HSD17B12: variants seen among roughly 807,000 people sequenced by gnomAD.
HSD17B12 encodes very-long-chain 3-oxoacyl-CoA reductase.
Under a neutral mutation model 39.3 loss-of-function variants are expected in HSD17B12, and 32 were observed. That is an observed-to-expected ratio of 0.81 (90% CI 0.61 to 1.09). The LOEUF is 1.09. Ranked by LOEUF, HSD17B12 falls within the 50% of genes least tolerant of loss-of-function variation. The probability of loss-of-function intolerance (pLI) is 0.00; values close to 1 mark genes in which losing one functional copy is unlikely to be tolerated. For missense variants in HSD17B12, 342 were observed against 382.9 expected (o/e 0.89, Z 0.89); for synonymous variants, 150 against 146.7 (o/e 1.02, Z -0.16).
At chr11:43,709,195 G>T (rs9804573) in intron 1 of HSD17B12, among the ~76,000 whole-genome samples, 76,350 of 151,934 alleles carry the variant, frequency 0.5, 19,618 homozygotes, top group Non-Finnish European at 0.53. Context: ...GCATGATCTT[G>T]GCTCACTGCA....
At chr11:43,801,968 A>G (rs889113460) in intron 4 of HSD17B12, among the ~76,000 whole-genome samples, 3 of 149,122 alleles carry the variant, frequency 2.0e-5, no homozygotes, top group African/African-American at 5.0e-5. Context: ...AAAGAAACAG[A>G]TGAAGTTAAT....
chr11:43,776,510 T>C (rs2134999182), intron 3 of HSD17B12, among the ~76,000 whole-genome samples: 1 of 152,340 alleles, frequency 6.6e-6, no homozygotes, highest in Non-Finnish European at 1.5e-5. Flanking sequence ...TATTAGCCCT[T>C]TGTCAGATGA....
the HSD17B12 span, among the ~76,000 whole-genome samples, chr11:43,631,459 G>A: frequency 5.9e-5 from 9 of 152,158 alleles, no homozygotes; most frequent in South Asian, 1.9e-3. Flanking sequence ...CCTATAAAAG[G>A]AGACACTTAA....
intron 7 of HSD17B12, 118 bp from the exon 8 acceptor site, chr11:43,838,199 G>A: frequency 1.4e-6 from 1 of 725,824 alleles, no homozygotes; most frequent in Non-Finnish European, 2.5e-6. Context: ...GGAGAGATAT[G>A]TGGTAGAAAA....
intron 7 of HSD17B12, chr11:43,833,526 C>CA (rs1423868085): frequency 1.3e-5 from 2 of 152,186 alleles, no homozygotes; most frequent in African/African-American, 4.8e-5. Context: ...ACAACTACTG[C>CA]ACAGAAGGCC....
chr11:43,680,666 C>T, upstream of HSD17B12: 1 of 677,710 alleles, frequency 1.5e-6, no homozygotes. Flanking sequence ...GACGGGTCAC[C>T]AATAGCGACA....
At chr11:43,570,178 G>A in the HSD17B12 span, 5 of 152,582 alleles carry the variant, frequency 3.3e-5, no homozygotes, top group African/African-American at 1.2e-4. Context: ...GACCCAGGGT[G>A]TATCTGAGTG....
rs1949738005 is a variant in HSD17B12, at chr11:43,680,971, G to A, written c.144G>A (p.Gly48=). 3 of 1,605,924 alleles carry A rather than the reference G, an allele frequency of 1.9e-6. No homozygotes were observed. Among genetic ancestry groups the A allele is most frequent in the East Asian group, 2.2e-5 (1 of 44,522 alleles). The change falls in exon 1 of 11, where the codon GGG becomes GGA. Residue 48 remains glycine (G), a synonymous_variant. Transcript: ENST00000278353. ...GVGNEAGVGP[G]LGEWAVVTGS... Reference sequence around the variant, plus strand: ...GGAATGAGGCGGGGGTCGGCCCGGGGCTCGGAGAATGGGCAGGTGAGTCGG... The same window carrying A: ...GGAATGAGGCGGGGGTCGGCCCGGGACTCGGAGAATGGGCAGGTGAGTCGG...
At chr11:43,618,723 A>G in the HSD17B12 span, among the ~76,000 whole-genome samples, 1 of 152,162 alleles carries the variant, frequency 6.6e-6, no homozygotes, top group Non-Finnish European at 1.5e-5. Context: ...GCAAAATTCC[A>G]TATCATAAGA....
At chr11:43,754,775 C>T in intron 3 of HSD17B12, 2 of 637,132 alleles carry the variant, frequency 3.1e-6, no homozygotes, top group Non-Finnish European at 5.6e-6. Flanking sequence ...CTCTTTTTAT[C>T]TCAGTGTTTC....
chr11:43,591,133 AAT>A, the HSD17B12 span, among the ~76,000 whole-genome samples: 4 of 152,190 alleles, frequency 2.6e-5, no homozygotes, highest in Non-Finnish European at 5.9e-5. Context: ...CTAATTAAAA[AAT>A]GTTTTTAATA....
the HSD17B12 span, among the ~76,000 whole-genome samples, chr11:43,590,039 G>C: frequency 6.6e-6 from 1 of 152,166 alleles, no homozygotes; most frequent in Admixed American, 6.5e-5. Context: ...TTATTATTTA[G>C]ACAAGTTCCT....
intron 4 of HSD17B12, among the ~76,000 whole-genome samples, chr11:43,801,977 AT>A (rs376286348): frequency 0.29 from 43,516 of 148,870 alleles, 6,586 homozygotes; most frequent in Middle Eastern, 0.41. Context: ...GATGAAGTTA[AT>A]TTTTTTTTTT....
At chr11:43,817,329 C>T (rs1951139820) in intron 6 of HSD17B12, among the ~76,000 whole-genome samples, 1 of 152,108 alleles carries the variant, frequency 6.6e-6, no homozygotes, top group African/African-American at 2.4e-5. Context: ...TTTAGCCGTG[C>T]AGAAGTTCTT....
intron 6 of HSD17B12, among the ~76,000 whole-genome samples, chr11:43,822,186 G>A (rs963160007): frequency 2.0e-5 from 3 of 152,056 alleles, no homozygotes; most frequent in East Asian, 1.9e-4. Flanking sequence ...ATGGGTGTGC[G>A]GCCCAAAGTG....
chr11:43,736,665 G>A (rs541355715), intron 1 of HSD17B12, among the ~76,000 whole-genome samples: 1 of 152,284 alleles, frequency 6.6e-6, no homozygotes, highest in South Asian at 2.1e-4. Context: ...ATGATTAGGA[G>A]AACAAGTTAG....
At chr11:43,617,041 T>C in the HSD17B12 span, among the ~76,000 whole-genome samples, 1 of 150,174 alleles carries the variant, frequency 6.7e-6, no homozygotes, top group Admixed American at 6.7e-5. Flanking sequence ...TAGACATCAC[T>C]GGGATTTGGT....
chr11:43,650,814 G>T, the HSD17B12 span, among the ~76,000 whole-genome samples: 1 of 152,198 alleles, frequency 6.6e-6, no homozygotes, highest in African/African-American at 2.4e-5. Context: ...GCCAACTGCA[G>T]TTTGAAAATA....
intron 3 of HSD17B12, among the ~76,000 whole-genome samples, chr11:43,783,936 A>T (rs1397822912): frequency 6.6e-6 from 1 of 152,250 alleles, no homozygotes; most frequent in Non-Finnish European, 1.5e-5. Context: ...AAAACAAAAT[A>T]TAGTGAGAAC....
Sources: gnomAD v4.1 joint callset for allele counts (sites outside exome capture counted in the v4.1 genomes callset) on GRCh38, gnomAD v4.1.1 for gene constraint, MANE v1.5 for transcripts, NCBI Gene and HGNC (gene_info 2026-07-23, HGNC 2026-07-21) for gene names.